Variants in ALK observed in about 807,000 individuals in gnomAD.
ALK encodes ALK receptor tyrosine kinase, also known as ALK tyrosine kinase receptor.
In ALK, 74 loss-of-function variants were observed where a neutral mutation model predicts 163.1. The observed-to-expected ratio is 0.45, with a 90% CI of 0.38 to 0.55. The LOEUF (loss-of-function observed/expected upper bound fraction) is 0.55, where lower values mean the gene tolerates loss of function less well. ALK is among the 20% of genes least tolerant of loss of function. ALK has a pLI of 0.00. For missense variants in ALK, 2,063 were observed against 2,105.3 expected (o/e 0.98, Z 0.39); for synonymous variants, 960 against 843.2 (o/e 1.14, Z -2.40).
At chr2:29,511,498 G>A (rs1672514596) in intron 4 of ALK, among the ~76,000 whole-genome samples, 1 of 152,128 alleles carries the variant, frequency 6.6e-6, no homozygotes, top group Non-Finnish European at 1.5e-5. Flanking sequence ...GTTGGATAGT[G>A]TTCCATAGTA....
chr2:29,471,360 CTT>C (rs1448158920), intron 4 of ALK, among the ~76,000 whole-genome samples: 3 of 152,190 alleles, frequency 2.0e-5, no homozygotes, highest in African/African-American at 7.2e-5. Flanking sequence ...GTCAATCTCT[CTT>C]ATTAGCATAG....
At chr2:29,898,403 T>C (rs1465217171) in intron 1 of ALK, among the ~76,000 whole-genome samples, 1 of 152,176 alleles carries the variant, frequency 6.6e-6, no homozygotes, top group Non-Finnish European at 1.5e-5. Context: ...AAGAATTAGA[T>C]GAGGTGACTA....
At chr2:29,520,768 G>T (rs1672789317) in intron 4 of ALK, among the ~76,000 whole-genome samples, 1 of 152,126 alleles carries the variant, frequency 6.6e-6, no homozygotes, top group Non-Finnish European at 1.5e-5. Context: ...CAGAGAAATG[G>T]GGTGAGCCAG....
intron 5 of ALK, among the ~76,000 whole-genome samples, chr2:29,368,773 A>G (rs1668572403): frequency 6.6e-6 from 1 of 151,898 alleles, no homozygotes; most frequent in Non-Finnish European, 1.5e-5. Context: ...GAGACTTGGC[A>G]TTTGTTTGGA....
chr2:29,199,482 C>G (rs2148145257), intron 26 of ALK, among the ~76,000 whole-genome samples: 1 of 152,008 alleles, frequency 6.6e-6, no homozygotes, highest in African/African-American at 2.4e-5. Flanking sequence ...AGGTAAGGAC[C>G]TAAATTGATT....
intron 2 of ALK, among the ~76,000 whole-genome samples, chr2:29,713,837 C>T (rs549272558): frequency 6.6e-6 from 1 of 151,404 alleles, no homozygotes; most frequent in Non-Finnish European, 1.5e-5. Flanking sequence ...TGCAATGTAT[C>T]ATGTTTTTTT....
At chr2:29,589,759 A>C (rs1674995179) in intron 3 of ALK, among the ~76,000 whole-genome samples, 1 of 152,204 alleles carries the variant, frequency 6.6e-6, no homozygotes, top group Non-Finnish European at 1.5e-5. Flanking sequence ...GAGTAACTGT[A>C]TTTTCAGAAT....
chr2:29,396,289 A>C (rs1669301445), intron 4 of ALK, among the ~76,000 whole-genome samples: 1 of 152,188 alleles, frequency 6.6e-6, no homozygotes, highest in South Asian at 2.1e-4. Flanking sequence ...TAATCCTCTA[A>C]TATGGCAGAG....
At chr2:29,351,578 G>C (rs1312123549) in intron 5 of ALK, among the ~76,000 whole-genome samples, 1 of 152,196 alleles carries the variant, frequency 6.6e-6, no homozygotes, top group Non-Finnish European at 1.5e-5. Flanking sequence ...GGCCACACCT[G>C]TGACTTGTGT....
chr2:29,749,515 A>T (rs1043470302), intron 1 of ALK, among the ~76,000 whole-genome samples: 2 of 152,198 alleles, frequency 1.3e-5, no homozygotes, highest in Non-Finnish European at 2.9e-5. Context: ...CCAGAGAGAC[A>T]TGTGGGACTG....
intron 15 of ALK, among the ~76,000 whole-genome samples, chr2:29,232,080 T>A (rs192654645): frequency 7.6e-4 from 115 of 152,308 alleles, no homozygotes; most frequent in Non-Finnish European, 1.5e-3. Context: ...CCTGCCTCAC[T>A]TTCTCAGTGA....
At chr2:29,557,987 C>T (rs1432501122) in intron 3 of ALK, among the ~76,000 whole-genome samples, 1 of 152,162 alleles carries the variant, frequency 6.6e-6, no homozygotes, top group Admixed American at 6.5e-5. Flanking sequence ...CTGTCTCTTT[C>T]CTCCTCCAGG....
rs555326088 is a variant in ALK at position 29,453,406 on chromosome 2, T to C, written c.1155-69547A>G. ...CCAACATGCCTGGCAATTTTTTTTTTTAATTTTTTGGTAGAGACGAGTTCT... is the reference window on the plus strand; with the variant it reads ...CCAACATGCCTGGCAATTTTTTTTTCTAATTTTTTGGTAGAGACGAGTTCT... On this transcript the variant is annotated intron_variant, in intron 4 of 28. Transcript: ENST00000389048. Among the ~76,000 whole-genome samples the C allele has an allele frequency of 2.0e-5, 3 of 152,174 alleles. No individual in the cohort carries two copies. In the East Asian group the frequency reaches 5.8e-4, roughly 29 times the overall value.
At chr2:29,534,622 GAAGA>G (rs1273024247) in intron 3 of ALK, among the ~76,000 whole-genome samples, 6 of 152,308 alleles carry the variant, frequency 3.9e-5, no homozygotes, top group African/African-American at 1.4e-4. Flanking sequence ...CTACTGAAGG[GAAGA>G]ATGGGGGCAA....
chr2:29,598,365 T>TTTTG (rs10623988), intron 3 of ALK, among the ~76,000 whole-genome samples: 34,544 of 151,454 alleles, frequency 0.23, 3,980 homozygotes, highest in Admixed American at 0.27. Flanking sequence ...GTTGTTTGTT[T>TTTTG]TTTGTTTGTT....
In ALK at chr2:29,642,246, A is replaced by G. The variant is rs573577987; in HGVS notation, c.952+52604T>C. Among the ~76,000 whole-genome samples the G allele has an allele frequency of 3.3e-5, 5 of 152,310 alleles. No individual in the cohort carries two copies. In the South Asian group the frequency reaches 6.2e-4, roughly 19 times the overall value. ...TTCTAGTCTAGGACTCTACCTTTCA[A>G]ATATGCACCTTATTTCCTATAGTTC... is the stretch of plus-strand genomic sequence containing the variant. On this transcript the variant is annotated intron_variant, in intron 3 of 28. Coordinates refer to ENST00000389048, the MANE Select transcript of ALK (RefSeq NM_004304.5).
chr2:29,436,322 G>A (rs2148077495), intron 4 of ALK, among the ~76,000 whole-genome samples: 1 of 152,280 alleles, frequency 6.6e-6, no homozygotes, highest in Non-Finnish European at 1.5e-5. Context: ...GAAAGGCACG[G>A]TGCACTGGCA....
intron 1 of ALK, among the ~76,000 whole-genome samples, chr2:29,919,128 A>C (rs1667913828): frequency 6.6e-6 from 1 of 152,188 alleles, no homozygotes; most frequent in African/African-American, 2.4e-5. Flanking sequence ...TCATTTTAGG[A>C]GTCTCCAGCA....
In ALK at chr2:29,524,472, C is replaced by T. The variant is rs73923658; in HGVS notation, c.1154+7443G>A. On this transcript the variant is annotated intron_variant, in intron 4 of 28. Transcript: ENST00000389048. ...CCAGAAGATCTGTTTCCCTGTGTTACCCATGACTATAAGCAAATTATGGAA... is the reference window on the plus strand; with the variant it reads ...CCAGAAGATCTGTTTCCCTGTGTTATCCATGACTATAAGCAAATTATGGAA... Among the ~76,000 whole-genome samples, 316 of 152,302 alleles carry T rather than the reference C, an allele frequency of 2.1e-3. 2 individuals are homozygous for T. The highest frequency in any genetic ancestry group is 7.2e-3 in the African/African-American group (298 of 41,562).
Sources: allele counts gnomAD v4.1 joint callset (sites outside exome capture counted in the v4.1 genomes callset), GRCh38; gene constraint gnomAD v4.1.1; transcripts MANE v1.5; gene names NCBI Gene and HGNC (gene_info 2026-07-23, HGNC 2026-07-21).